AMZ1: variants seen among roughly 807,000 people sequenced by gnomAD.
The protein encoded by AMZ1 is archaemetzincin-1.
In AMZ1, 39 loss-of-function variants were observed where a neutral mutation model predicts 29.9. The observed-to-expected ratio is 1.30, with a 90% CI of 1.01 to 1.70. AMZ1 has a LOEUF of 1.70. AMZ1 is among the 40% of genes most tolerant of loss of function. AMZ1 has a pLI of 0.00. For synonymous variants in AMZ1, 458 were observed against 304.0 expected (o/e 1.51, Z -5.27); for missense variants, 1,041 against 680.6 (o/e 1.53, Z -5.89).
intron 4 of AMZ1, among the ~76,000 whole-genome samples, chr7:2,737,036 C>G (rs529348587): frequency 6.6e-6 from 1 of 152,176 alleles, no homozygotes; most frequent in Admixed American, 6.5e-5. Flanking sequence ...TCCTGCCTGT[C>G]AATGTCACAG....
upstream of AMZ1, chr7:2,762,531 A>G: frequency 8.4e-7 from 1 of 1,193,316 alleles, no homozygotes; most frequent in Non-Finnish European, 1.1e-6. Flanking sequence ...AAGCAGTTCC[A>G]CCACGCCTTC....
chr7:2,711,382 T>A (rs930957321), intron 6 of AMZ1, among the ~76,000 whole-genome samples: 2 of 152,220 alleles, frequency 1.3e-5, no homozygotes, highest in African/African-American at 4.8e-5. Context: ...TCTCTGCCAC[T>A]TCCTGTGGTG....
At position 2,708,662 on chromosome 7, in the gene AMZ1, C is replaced by T; in HGVS notation, c.547C>T (p.Leu183=). The stretch of plus-strand genomic sequence containing the variant: ...TGTGCTGGGCCTCACACTGTCTGAC[C>T]TGTACCCCCATGAGGCCTGGAGCTT... ...LCVLGLTLSD[L]YPHEAWSFTF... is the part of the protein sequence containing the mutation. The change falls in exon 4 of 7, where the codon CTG becomes TTG. Residue 183 remains leucine, a synonymous_variant. Transcript: ENST00000683327. The T allele has an allele frequency of 6.2e-7, 1 of 1,613,244 alleles. No individual in the cohort carries two copies. The highest frequency in any genetic ancestry group is 8.5e-7 in the Non-Finnish European group (1 of 1,180,010).
intron 4 of AMZ1, among the ~76,000 whole-genome samples, chr7:2,733,021 A>G (rs986997576): frequency 2.6e-5 from 4 of 152,118 alleles, no homozygotes; most frequent in African/African-American, 9.7e-5. Context: ...TGCGGTTGTC[A>G]TTTTTCGTCT....
In AMZ1 at chr7:2,711,869, C is replaced by T. The variant is rs548993513; in HGVS notation, c.949-461C>T. The stretch of plus-strand genomic sequence containing the variant: ...GACCAGCCTGGCTAACATGGTGAAA[C>T]CCCGTCTCCACTAAAAAATGTAAAA... On this transcript the variant is annotated intron_variant, in intron 6 of 6. Coordinates refer to ENST00000683327, the MANE Select transcript of AMZ1 (RefSeq NM_001384743.1). Among the ~76,000 whole-genome samples, 7 of 152,130 alleles carry T rather than the reference C, an allele frequency of 4.6e-5. No homozygotes were observed. The East Asian group carries it at 1.2e-3, about 25-fold the overall frequency.
At chr7:2,754,044 C>G (rs567412617) in intron 4 of AMZ1, among the ~76,000 whole-genome samples, 2 of 152,332 alleles carry the variant, frequency 1.3e-5, no homozygotes, top group African/African-American at 4.8e-5. Flanking sequence ...TACTCTCTGC[C>G]AAACTCTTTT....
chr7:2,744,265 C>A (rs538800097), intron 4 of AMZ1, among the ~76,000 whole-genome samples: 1 of 152,190 alleles, frequency 6.6e-6, no homozygotes, highest in Non-Finnish European at 1.5e-5. Context: ...TGGGAGGCAC[C>A]CCCCAGTAGG....
chr7:2,706,655 T>C (rs1307581569), intron 3 of AMZ1, among the ~76,000 whole-genome samples: 1 of 152,262 alleles, frequency 6.6e-6, no homozygotes, highest in South Asian at 2.1e-4. Flanking sequence ...CTTTACGCCA[T>C]GTGCCTCTGC....
intron 3 of AMZ1, among the ~76,000 whole-genome samples, chr7:2,706,173 C>T (rs1467023002): frequency 2.0e-5 from 3 of 152,188 alleles, no homozygotes; most frequent in Admixed American, 2.0e-4. Flanking sequence ...TCAGCTCAGC[C>T]TGGTTTTTAA....
chr7:2,686,133 G>A (rs868333961), upstream of AMZ1, among the ~76,000 whole-genome samples: 3 of 152,224 alleles, frequency 2.0e-5, no homozygotes, highest in Non-Finnish European at 2.9e-5. Flanking sequence ...TCCATGACAC[G>A]GAGTCCAGCG....
chr7:2,699,718 G>T (rs975778334), intron 1 of AMZ1, among the ~76,000 whole-genome samples: 14 of 152,296 alleles, frequency 9.2e-5, no homozygotes, highest in Middle Eastern at 6.8e-3. Context: ...GCGATGGGGG[G>T]ACCCAGGTGA....
At chr7:2,745,739 G>A (rs989213827) in intron 4 of AMZ1, among the ~76,000 whole-genome samples, 1 of 152,204 alleles carries the variant, frequency 6.6e-6, no homozygotes, top group Non-Finnish European at 1.5e-5. Flanking sequence ...TGGATAAAGA[G>A]TCAAGACCCA....
chr7:2,732,444 G>A (rs1789944531), intron 4 of AMZ1, among the ~76,000 whole-genome samples: 2 of 152,280 alleles, frequency 1.3e-5, no homozygotes, highest in East Asian at 3.9e-4. Context: ...TACTTGGGAG[G>A]CCGAGACAGG....
intron 1 of AMZ1, among the ~76,000 whole-genome samples, chr7:2,695,127 C>T (rs948849979): frequency 1.3e-5 from 2 of 152,184 alleles, no homozygotes; most frequent in Non-Finnish European, 2.9e-5. Flanking sequence ...AGCCTCTGGC[C>T]CCGCTGCAAG....
intron 4 of AMZ1, among the ~76,000 whole-genome samples, chr7:2,738,977 A>T (rs1790356202): frequency 6.6e-6 from 1 of 152,014 alleles, no homozygotes; most frequent in African/African-American, 2.4e-5. Context: ...GCACACAGCC[A>T]CCCCTTGGTC....
intron 1 of AMZ1, among the ~76,000 whole-genome samples, chr7:2,695,582 A>G (rs1162818367): frequency 1.3e-5 from 2 of 151,796 alleles, no homozygotes; most frequent in African/African-American, 4.8e-5. Flanking sequence ...GCGTGTTGGT[A>G]CATGTCCGTA....
downstream of AMZ1, among the ~76,000 whole-genome samples, chr7:2,720,610 G>A (rs1228655856): frequency 6.6e-6 from 1 of 152,036 alleles, no homozygotes; most frequent in African/African-American, 2.4e-5. Flanking sequence ...TTACCGTGCT[G>A]GCCAGGCTGG....
chr7:2,683,177 C>T (rs1583128785), intron 1 of AMZ1, among the ~76,000 whole-genome samples: 2 of 152,222 alleles, frequency 1.3e-5, no homozygotes, highest in South Asian at 2.1e-4. Context: ...GAGTTTCCTG[C>T]GGCTGCCGTG....
At chr7:2,721,802 A>G (rs913680438), downstream of AMZ1, among the ~76,000 whole-genome samples, 4 of 152,170 alleles carry the variant, frequency 2.6e-5, no homozygotes, top group African/African-American at 9.7e-5. Flanking sequence ...CAGGGACATA[A>G]CACGCCAGGA....
Sources: allele counts gnomAD v4.1 joint callset (sites outside exome capture counted in the v4.1 genomes callset), GRCh38; gene constraint gnomAD v4.1.1; transcripts MANE v1.5; gene names NCBI Gene and HGNC (gene_info 2026-07-23, HGNC 2026-07-21).